MED12L: variants seen among roughly 807,000 people sequenced by gnomAD.
The protein encoded by MED12L is mediator complex subunit 12L.
A neutral mutation model predicts 281.3 loss-of-function variants in MED12L; 60 were observed. That is an observed-to-expected ratio of 0.21 (90% CI 0.17 to 0.26). MED12L has a LOEUF of 0.26. Among genes scored for constraint, MED12L ranks in the 10% least tolerant of loss-of-function variants. MED12L has a pLI of 1.00. For missense variants in MED12L, 2,146 were observed against 2,680.9 expected (o/e 0.80, Z 4.41); for synonymous variants, 974 against 987.2 (o/e 0.99, Z 0.25).
chr3:151,207,857 T>G (rs1333152915), intron 16 of MED12L, among the ~76,000 whole-genome samples: 1 of 152,186 alleles, frequency 6.6e-6, no homozygotes, highest in Non-Finnish European at 1.5e-5. Context: ...GAGGTTTTAG[T>G]CCTGGGAAAG....
intron 5 of MED12L, among the ~76,000 whole-genome samples, chr3:151,152,214 T>C (rs145431563): frequency 6.7e-6 from 1 of 149,018 alleles, no homozygotes; most frequent in East Asian, 2.1e-4. Context: ...GCCTTCTGAC[T>C]TAAGCCTGCT....
At chr3:151,375,533 A>T (rs1379851154) in intron 27 of MED12L, among the ~76,000 whole-genome samples, 1 of 152,202 alleles carries the variant, frequency 6.6e-6, no homozygotes, top group Non-Finnish European at 1.5e-5. Context: ...TATAAAAAAG[A>T]GATGTGCACT....
intron 2 of MED12L, among the ~76,000 whole-genome samples, chr3:151,105,308 C>T (rs921462022): frequency 2.0e-5 from 3 of 152,188 alleles, no homozygotes. Context: ...GATCTCCTAC[C>T]TTAGACCCCA....
At chr3:151,304,611 T>C (rs960282496) in intron 16 of MED12L, among the ~76,000 whole-genome samples, 6 of 146,396 alleles carry the variant, frequency 4.1e-5, no homozygotes, top group African/African-American at 1.5e-4. Context: ...AAAAAAAAAA[T>C]CCTGCCTTGA....
intron 16 of MED12L, chr3:151,326,331 AT>A (rs1749586156): frequency 6.6e-6 from 1 of 152,638 alleles, no homozygotes; most frequent in African/African-American, 2.4e-5. Flanking sequence ...TCAAACATTT[AT>A]TGATTGCACA....
In MED12L at chr3:151,430,318, A is replaced by G; in HGVS notation, c.6428A>G (p.Gln2143Arg). 1 of 1,614,114 alleles carries G rather than the reference A, an allele frequency of 6.2e-7. No individual in the cohort carries two copies. Among genetic ancestry groups the G allele is most frequent in the Non-Finnish European group, 8.5e-7 (1 of 1,179,994 alleles). ...TTACAGTTTCCCAGGCAAGGCTTGCAGCAGACCCAGCAGCAGCAGCAGACG... is the reference window on the plus strand; with the variant it reads ...TTACAGTTTCCCAGGCAAGGCTTGCGGCAGACCCAGCAGCAGCAGCAGACG... ...QQPLFPRQGL[Q>R]QTQQQQQTAA... is the part of the protein sequence containing the mutation. The change falls in exon 44 of 45, where the codon CAG becomes CGG. Residue 2143 changes from glutamine (Q) to arginine (R), a missense_variant. Transcript: ENST00000687756.
Position 151,329,659 on chromosome 3 carries a change from A to G in MED12L, c.2251-20400A>G, listed in dbSNP as rs1349632146. 3 of 532,236 alleles carry G rather than the reference A, an allele frequency of 5.6e-6. No homozygotes were observed. In the African/African-American group the frequency reaches 5.9e-5, roughly 10 times the overall value. 33.0% of individuals were successfully genotyped at this position (532,236 alleles called of 1,614,324 possible). The stretch of plus-strand genomic sequence containing the variant: ...TATTTAGACCTTTGGGACATTTGCT[A>G]ATACTCTATTTTAGTTCAAACTTTC... On this transcript the variant is annotated intron_variant, in intron 16 of 44. Transcript: ENST00000687756.
chr3:151,235,220 GAGC>G (rs1382218314), intron 16 of MED12L, among the ~76,000 whole-genome samples: 2 of 152,218 alleles, frequency 1.3e-5, no homozygotes, highest in Non-Finnish European at 2.9e-5. Flanking sequence ...GCAGAACTCT[GAGC>G]AGGTGCATGT....
At chr3:151,272,775 A>T (rs1559966918) in intron 16 of MED12L, among the ~76,000 whole-genome samples, 1 of 151,990 alleles carries the variant, frequency 6.6e-6, no homozygotes, top group Non-Finnish European at 1.5e-5. Flanking sequence ...AATGGCTATA[A>T]TGTTTTGACT....
chr3:151,288,399 G>A (rs1743833647), intron 16 of MED12L, among the ~76,000 whole-genome samples: 1 of 152,030 alleles, frequency 6.6e-6, no homozygotes, highest in Admixed American at 6.6e-5. Flanking sequence ...CAAGTATATA[G>A]CTACTGTCTA....
At chr3:151,323,458 T>C (rs1194203989) in intron 16 of MED12L, among the ~76,000 whole-genome samples, 1 of 152,164 alleles carries the variant, frequency 6.6e-6, no homozygotes, top group Non-Finnish European at 1.5e-5. Flanking sequence ...CCCAAATGTA[T>C]TCCCTATGTC....
chr3:151,312,498 G>A (rs1747679488), intron 16 of MED12L, among the ~76,000 whole-genome samples: 1 of 151,990 alleles, frequency 6.6e-6, no homozygotes, highest in Non-Finnish European at 1.5e-5. Flanking sequence ...GTCAGTAAAG[G>A]GTACCCTCTA....
chr3:151,101,654 T>G, intron 2 of MED12L, among the ~76,000 whole-genome samples: 1 of 142,664 alleles, frequency 7.0e-6, no homozygotes, highest in African/African-American at 2.6e-5. Flanking sequence ...GGGGGGCAGT[T>G]TTTCTGCAGA....
At chr3:151,384,792 T>A in intron 35 of MED12L, 1 of 433,330 alleles carries the variant, frequency 2.3e-6, no homozygotes, top group Admixed American at 4.5e-5. Flanking sequence ...AGCACTATGA[T>A]GTTTGTTGTG....
intron 2 of MED12L, among the ~76,000 whole-genome samples, chr3:151,113,058 A>G (rs1560058837): frequency 6.6e-6 from 1 of 152,190 alleles, no homozygotes; most frequent in Non-Finnish European, 1.5e-5. Flanking sequence ...TAAGTAAATT[A>G]TAGTGTGTTT....
intron 5 of MED12L, among the ~76,000 whole-genome samples, chr3:151,154,058 C>T (rs1015142612): frequency 1.3e-5 from 2 of 152,170 alleles, no homozygotes; most frequent in African/African-American, 4.8e-5. Context: ...GGTCCGGTTT[C>T]ATTACCATTC....
chr3:151,294,682 A>G, intron 16 of MED12L: 3 of 1,614,146 alleles, frequency 1.9e-6, no homozygotes, highest in African/African-American at 1.3e-5. Flanking sequence ...AGTCATGGAT[A>G]TTGTCCTCTG....
chr3:151,339,125 T>C (rs182003537), intron 16 of MED12L, among the ~76,000 whole-genome samples: 176 of 152,294 alleles, frequency 1.2e-3, no homozygotes, highest in Non-Finnish European at 2.1e-3. Context: ...AATGTTTGCC[T>C]CTTAAAGCAC....
intron 16 of MED12L, among the ~76,000 whole-genome samples, chr3:151,227,192 T>C (rs1054060416): frequency 3.3e-5 from 5 of 152,242 alleles, no homozygotes; most frequent in Non-Finnish European, 5.9e-5. Context: ...CCACATACTT[T>C]CATTGAGGAG....
Sources: gnomAD v4.1 joint callset for allele counts (sites outside exome capture counted in the v4.1 genomes callset) on GRCh38, gnomAD v4.1.1 for gene constraint, MANE v1.5 for transcripts, NCBI Gene and HGNC (gene_info 2026-07-23, HGNC 2026-07-21) for gene names.